Variants in CDC123 observed in about 807,000 individuals in gnomAD.
CDC123 encodes translation initiation factor eIF2 assembly protein.
In CDC123, 37 loss-of-function variants were observed where a neutral mutation model predicts 54.4. That is an observed-to-expected ratio of 0.68 (90% confidence interval 0.52 to 0.89). The LOEUF (loss-of-function observed/expected upper bound fraction) is 0.89, where lower values mean the gene tolerates loss of function less well. Ranked by LOEUF, CDC123 falls within the 40% of genes least tolerant of loss-of-function variation. The probability of loss-of-function intolerance (pLI) is 0.00; values close to 1 mark genes in which losing one functional copy is unlikely to be tolerated. For missense variants in CDC123, 361 were observed against 412.1 expected (o/e 0.88, Z 1.07); for synonymous variants, 144 against 136.8 (o/e 1.05, Z -0.37).
intron 7 of CDC123, 104 bp from the exon 8 acceptor site, chr10:12,234,944 C>A (rs1253037272): frequency 2.5e-6 from 2 of 792,652 alleles, no homozygotes; most frequent in Non-Finnish European, 2.1e-6. Flanking sequence ...TTTTTAAAAC[C>A]ATTTGATAAT....
intron 10 of CDC123, chr10:12,245,304 G>A (rs1339248012): frequency 6.6e-6 from 1 of 152,116 alleles, no homozygotes; most frequent in Non-Finnish European, 1.5e-5. Context: ...CAGGATAGAT[G>A]GAGTGTGGTG....
chr10:12,235,200 T>A, intron 8 of CDC123, 77 bp downstream of exon 8: 3 of 1,224,818 alleles, frequency 2.4e-6, no homozygotes, highest in Non-Finnish European at 3.6e-6. Flanking sequence ...TGGAAGTAAA[T>A]TTCCAGTAAT....
chr10:12,243,119 C>T (rs1836082119), intron 10 of CDC123, among the ~76,000 whole-genome samples: 1 of 119,342 alleles, frequency 8.4e-6, no homozygotes, highest in South Asian at 2.7e-4. Context: ...GTGTTTTGGG[C>T]TGGGTACAGT....
chr10:12,240,181 C>CTGCT (rs1484221268), intron 10 of CDC123, among the ~76,000 whole-genome samples: 2 of 152,126 alleles, frequency 1.3e-5, no homozygotes, highest in Non-Finnish European at 2.9e-5. Context: ...AAGTTACTTA[C>CTGCT]TGCTGACTTA....
intron 7 of CDC123, among the ~76,000 whole-genome samples, 186 bp downstream of exon 7, chr10:12,231,182 C>T (rs917683439): frequency 8.5e-5 from 13 of 152,172 alleles, no homozygotes; most frequent in Middle Eastern, 6.8e-3. Context: ...AGTGTATATA[C>T]CAAATACATG....
At chr10:12,216,236 T>C (rs771920196) in intron 5 of CDC123, among the ~76,000 whole-genome samples, 1 of 152,264 alleles carries the variant, frequency 6.6e-6, no homozygotes, top group African/African-American at 2.4e-5. Flanking sequence ...TGATCTTTTC[T>C]TAAATTGTGT....
At chr10:12,240,014 A>G (rs1836036274) in intron 10 of CDC123, among the ~76,000 whole-genome samples, 2 of 151,474 alleles carry the variant, frequency 1.3e-5, no homozygotes, top group South Asian at 2.1e-4. Flanking sequence ...TCTCAAAAAA[A>G]AAAAAAAAAA....
intron 7 of CDC123, among the ~76,000 whole-genome samples, chr10:12,233,999 A>G (rs1038373227): frequency 2.0e-4 from 30 of 152,178 alleles, no homozygotes; most frequent in African/African-American, 6.5e-4. Flanking sequence ...ATTCATTGTG[A>G]CAAACCTCAA....
At chr10:12,237,307 A>G (rs1235766452) in intron 9 of CDC123, 41 bp downstream of exon 9, 2 of 1,477,330 alleles carry the variant, frequency 1.4e-6, no homozygotes, top group Middle Eastern at 1.9e-4. Flanking sequence ...GAAATGAAAT[A>G]TACATTGTTA....
chr10:12,242,113 C>G (rs1481249308), intron 10 of CDC123, among the ~76,000 whole-genome samples: 1 of 152,232 alleles, frequency 6.6e-6, no homozygotes, highest in Non-Finnish European at 1.5e-5. Context: ...GGAGCCCTCA[C>G]ATATCTCACA....
chr10:12,249,530 G>A (rs770442946), intron 11 of CDC123, 51 bp from the exon 12 acceptor site: 5 of 1,575,250 alleles, frequency 3.2e-6, no homozygotes, highest in Non-Finnish European at 4.3e-6. Flanking sequence ...TCACAGAATA[G>A]GCCTAAAAAT....
chr10:12,223,673 C>T (rs1433502450), intron 6 of CDC123, among the ~76,000 whole-genome samples: 4 of 152,094 alleles, frequency 2.6e-5, no homozygotes, highest in Non-Finnish European at 5.9e-5. Flanking sequence ...TATAGTAAGG[C>T]CATTTGGCTG....
intron 4 of CDC123, among the ~76,000 whole-genome samples, chr10:12,214,172 T>G (rs1835636138): frequency 6.6e-6 from 1 of 152,214 alleles, no homozygotes; most frequent in Non-Finnish European, 1.5e-5. Context: ...TGAAAAGTAA[T>G]CCTTAGATGT....
At chr10:12,238,903 T>C (rs2399793) in intron 10 of CDC123, among the ~76,000 whole-genome samples, 3,621 of 151,348 alleles carry the variant, frequency 0.024, 143 homozygotes, top group African/African-American at 0.083. Flanking sequence ...GTGCCTGAAA[T>C]CCCAGCTACT....
At chr10:12,203,133 T>C (rs1320196) in intron 2 of CDC123, among the ~76,000 whole-genome samples, 84,714 of 152,120 alleles carry the variant, frequency 0.56, 24,332 homozygotes, top group Middle Eastern at 0.65. Flanking sequence ...ACGTGCCACC[T>C]TCCAGAAGCT....
At position 12,215,846 on chromosome 10, in the gene CDC123, A is replaced by G. The variant is rs112674443; in HGVS notation, c.333+11A>G. 3.3e-6 allele frequency: 5 copies of G among 1,522,656 alleles called. No homozygotes were observed. The highest frequency in any genetic ancestry group is 2.3e-5 in the East Asian group (1 of 42,808). 94.3% of individuals were successfully genotyped at this position (1,522,656 alleles called of 1,614,324 possible). On this transcript the variant is annotated intron_variant, in intron 5 of 12. Coordinates refer to ENST00000281141, the MANE Select transcript of CDC123 (RefSeq NM_006023.3). The stretch of plus-strand genomic sequence containing the variant: ...TGGAGTGCCCCAAGGGTAGGAACAC[A>G]TAAGTAATTCTCTTACTGTTTGAAT...
At chr10:12,237,009 T>C in intron 8 of CDC123, 135 bp from the exon 9 acceptor site, 3 of 969,992 alleles carry the variant, frequency 3.1e-6, no homozygotes, top group Non-Finnish European at 4.2e-6. Flanking sequence ...AGCTGGGTCG[T>C]GTGTAATGCC....
intron 1 of CDC123, 86 bp downstream of exon 1, chr10:12,196,405 A>G: frequency 6.4e-7 from 1 of 1,568,206 alleles, no homozygotes. Flanking sequence ...AAAAAAATGC[A>G]GGCCTTCTAG....
intron 2 of CDC123, among the ~76,000 whole-genome samples, chr10:12,204,992 CAAAAAAAA>C (rs35683792): frequency 1.6e-5 from 1 of 64,480 alleles, no homozygotes; most frequent in Non-Finnish European, 3.3e-5. Context: ...GACTCCATAT[CAAAAAAAA>C]AAAAAAAAAA....
Sources: allele counts gnomAD v4.1 joint callset (sites outside exome capture counted in the v4.1 genomes callset), GRCh38; gene constraint gnomAD v4.1.1; transcripts MANE v1.5; gene names NCBI Gene and HGNC (gene_info 2026-07-23, HGNC 2026-07-21).